KIF1A: variants seen among roughly 807,000 people sequenced by gnomAD.
The protein encoded by KIF1A is kinesin family member 1A.
Under a neutral mutation model 227.3 loss-of-function variants are expected in KIF1A, and 46 were observed. The ratio of observed to expected loss-of-function variants is 0.20; its 90% confidence interval spans 0.16 to 0.26. The LOEUF (loss-of-function observed/expected upper bound fraction) is 0.26, where lower values mean the gene tolerates loss of function less well. Ranked by LOEUF, KIF1A falls within the 10% of genes least tolerant of loss-of-function variation. The pLI, the probability that KIF1A is intolerant of heterozygous loss-of-function variation, is 1.00. For synonymous variants in KIF1A, 1,022 were observed against 1,012.8 expected (o/e 1.01, Z -0.17); for missense variants, 1,683 against 2,485.9 (o/e 0.68, Z 6.87).
chr2:240,742,908 G>A (rs375297573), intron 34 of KIF1A, 21 bp downstream of exon 34: 132 of 1,606,164 alleles, frequency 8.2e-5, no homozygotes, highest in African/African-American at 7.5e-4. Flanking sequence ...GCCCTGAGAC[G>A]GCTCCAGAGA....
chr2:240,812,849 T>TTCACCTCAAGGATCC (rs2057996263), intron 1 of KIF1A, among the ~76,000 whole-genome samples: 1 of 63,166 alleles, frequency 1.6e-5, no homozygotes, highest in Non-Finnish European at 3.1e-5. Context: ...CTCGGGGATC[T>TTCACCTCAAGGATCC]GCCTTCACCT....
intron 37 of KIF1A, among the ~76,000 whole-genome samples, chr2:240,738,594 C>T (rs779981258): frequency 1.4e-4 from 21 of 152,198 alleles, no homozygotes; most frequent in African/African-American, 4.3e-4. Flanking sequence ...TGCTCAGTCA[C>T]GAAGCCCAGA....
At chr2:240,809,633 A>G (rs1251674016) in intron 1 of KIF1A, among the ~76,000 whole-genome samples, 4 of 150,368 alleles carry the variant, frequency 2.7e-5, no homozygotes, top group Non-Finnish European at 5.9e-5. Flanking sequence ...GAAAATAAAG[A>G]AGAGTTATAT....
intron 1 of KIF1A, among the ~76,000 whole-genome samples, chr2:240,819,574 G>A (rs148765371): frequency 0.077 from 11,069 of 143,038 alleles, 681 homozygotes; most frequent in African/African-American, 0.17. Context: ...CCCGGGAACC[G>A]GAGCAGCTGC....
intron 28 of KIF1A, 137 bp downstream of exon 28, chr2:240,750,292 G>A (rs529005077): frequency 6.2e-6 from 4 of 642,736 alleles, no homozygotes; most frequent in African/African-American, 3.6e-5. Context: ...GGAGAGTGGA[G>A]GGCCAGCTGA....
chr2:240,750,687 C>T, intron 27 of KIF1A, 140 bp from the exon 28 acceptor site: 1 of 658,056 alleles, frequency 1.5e-6, no homozygotes, highest in Non-Finnish European at 2.7e-6. Context: ...CAGCCAAGGC[C>T]AGGACAGCAA....
Position 240,766,616 on chromosome 2 carries a change from G to A in KIF1A, c.1684+299C>T, listed in dbSNP as rs3755536. ...CCCTCAAGGAGGCTCAGCTCCCTAAGGCAGCAGCTACCCCTGGCCACAGAA... is the reference window on the plus strand; with the variant it reads ...CCCTCAAGGAGGCTCAGCTCCCTAAAGCAGCAGCTACCCCTGGCCACAGAA... On this transcript the variant is annotated intron_variant, in intron 19 of 48. Transcript: ENST00000498729. The surrounding 1 kb of genome is among the most constrained non-coding windows in gnomAD (Gnocchi z 5.0). Among the ~76,000 whole-genome samples the A allele has an allele frequency of 0.28, 41,981 of 151,894 alleles. 6,029 individuals are homozygous for A. The highest frequency in any genetic ancestry group is 0.55 in the East Asian group (2,854 of 5,144).
At chr2:240,779,584 ACT>A (rs2053314656) in intron 10 of KIF1A, among the ~76,000 whole-genome samples, 2 of 130,800 alleles carry the variant, frequency 1.5e-5, no homozygotes, top group South Asian at 2.4e-4. Flanking sequence ...TCAGTTCCTC[ACT>A]CAGTTCCACA....
Position 240,761,938 on chromosome 2 carries a change from G to A in KIF1A, c.2117-561C>T, listed in dbSNP as rs190833868. On this transcript the variant is annotated intron_variant, in intron 23 of 48. Transcript: ENST00000498729. ...GCCCTGGCCCGTACACTCTCTCCCC[G>A]ACCCATGCCCTGTCTGTCCACTGGG... Among the ~76,000 whole-genome samples, 10 of 152,216 alleles carry A rather than the reference G, an allele frequency of 6.6e-5. No homozygotes were observed. The East Asian group carries it at 1.7e-3, about 27-fold the overall frequency.
chr2:240,722,340 G>A (rs961535292), intron 43 of KIF1A, 116 bp downstream of exon 43: 2 of 957,316 alleles, frequency 2.1e-6, no homozygotes, highest in African/African-American at 3.3e-5. Context: ...CCTAGCTCCT[G>A]GTGGTGCTAA....
At chr2:240,820,223 G>C (rs2058637410), upstream of KIF1A, 1 of 149,466 alleles carries the variant, frequency 6.7e-6, no homozygotes, top group Admixed American at 6.7e-5. This position sits in a 1 kb window ranked among gnomAD's most constrained non-coding sequence, Gnocchi z 6.2. Context: ...GCGCTGTGAC[G>C]GCGCCGCCGC....
chr2:240,718,591 C>G (rs994792702), intron 47 of KIF1A, among the ~76,000 whole-genome samples: 2 of 152,246 alleles, frequency 1.3e-5, no homozygotes, highest in African/African-American at 4.8e-5. Context: ...GGCTCCTGAA[C>G]TTGTCCAGGG....
chr2:240,778,656 G>T lies in KIF1A; in HGVS notation c.883-2730C>A, dbSNP rs953238787. 8.0e-6 allele frequency among the ~76,000 whole-genome samples: 1 copy of T among 125,060 alleles called. No homozygotes were observed. The highest frequency in any genetic ancestry group is 3.1e-5 in the African/African-American group (1 of 32,534). 82.0% of individuals were successfully genotyped at this position (125,060 alleles called of 152,430 possible). A position where few individuals can be genotyped will look rare whatever the true frequency, so the allele number is the denominator to read the frequency against. ...CACCCCCTTCCACACACTTCCTCCC[G>T]GTTCCCACAGCTCCACGCGGCGCCC... is the stretch of plus-strand genomic sequence containing the variant. On this transcript the variant is annotated intron_variant, in intron 10 of 48. Coordinates refer to ENST00000498729, the MANE Select transcript of KIF1A (RefSeq NM_001244008.2). This position sits in a 1 kb window ranked among gnomAD's most constrained non-coding sequence, Gnocchi z 7.2.
chr2:240,731,903 G>GACTA, intron 38 of KIF1A, among the ~76,000 whole-genome samples: 1 of 129,516 alleles, frequency 7.7e-6, no homozygotes, highest in African/African-American at 3.0e-5. Context: ...GAGGGGAGGA[G>GACTA]GGGAGGAGGG....
rs2045972289 is a variant in KIF1A, at chr2:240,726,125, G to A, written c.4122+701C>T. The A allele has an allele frequency of 6.6e-6, 1 of 152,340 alleles. No homozygotes were observed. Among genetic ancestry groups the A allele is most frequent in the Admixed American group, 6.5e-5 (1 of 15,284 alleles). 9.4% of individuals were successfully genotyped at this position (152,340 alleles called of 1,614,324 possible). On this transcript the variant is annotated intron_variant, in intron 39 of 48. Coordinates refer to ENST00000498729, the MANE Select transcript of KIF1A (RefSeq NM_001244008.2). The surrounding 1 kb of genome is among the most constrained non-coding windows in gnomAD (Gnocchi z 5.2). ...ACACTTCCAGTCACCTCTTGCACTT[G>A]GAAGGGAGGCCACAGCCCAGGTCTG...
intron 29 of KIF1A, among the ~76,000 whole-genome samples, chr2:240,747,009 G>A (rs1044408069): frequency 6.6e-6 from 1 of 152,198 alleles, no homozygotes; most frequent in Non-Finnish European, 1.5e-5. Flanking sequence ...ACCCTGGAGC[G>A]GCCGTGGTGG....
chr2:240,813,590 A>G (rs568970539), intron 1 of KIF1A, among the ~76,000 whole-genome samples: 102 of 152,250 alleles, frequency 6.7e-4, no homozygotes, highest in Admixed American at 3.3e-3. Flanking sequence ...AGTACCCCTC[A>G]TTCTGATATG....
intron 12 of KIF1A, among the ~76,000 whole-genome samples, chr2:240,773,924 T>G (rs1019809185): frequency 4.6e-5 from 7 of 152,166 alleles, no homozygotes; most frequent in African/African-American, 1.7e-4. Flanking sequence ...CAGGCACAGC[T>G]CTCCCAGTCT....
At position 240,717,203 on chromosome 2, in the gene KIF1A, C is replaced by T. The variant is rs564598846; in HGVS notation, c.*161G>A. The T allele has an allele frequency of 1.9e-4, 114 of 607,696 alleles. No individual in the cohort carries two copies. The highest frequency in any genetic ancestry group is 1.8e-3 in the African/African-American group (98 of 54,598). 37.6% of individuals were successfully genotyped at this position (607,696 alleles called of 1,614,324 possible). A position where few individuals can be genotyped will look rare whatever the true frequency, so the allele number is the denominator to read the frequency against. ...AGCCTCTGCTGGGAGCACAGCTGGT[C>T]GTGTGGCACAGGTCCCCGGGCCTGG... On this transcript the variant is annotated 3_prime_UTR_variant, in exon 49 of 49. Transcript: ENST00000498729.
Sources: gnomAD v4.1 joint callset for allele counts (sites outside exome capture counted in the v4.1 genomes callset) on GRCh38, gnomAD v4.1.1 for gene constraint, Gnocchi (gnomAD v3.1) non-coding constraint, MANE v1.5 for transcripts, NCBI Gene and HGNC (gene_info 2026-07-23, HGNC 2026-07-21) for gene names.